Variants in ARHGEF7 observed in about 807,000 individuals in gnomAD.
The protein encoded by ARHGEF7 is Rho guanine nucleotide exchange factor 7.
ARHGEF7 carries 33 observed loss-of-function variants against 109.8 expected under a neutral mutation model. The ratio of observed to expected loss-of-function variants is 0.30; its 90% confidence interval spans 0.23 to 0.40. The LOEUF (loss-of-function observed/expected upper bound fraction) is 0.40, where lower values mean the gene tolerates loss of function less well. ARHGEF7 is among the 10% of genes least tolerant of loss of function. ARHGEF7 has a pLI of 1.00. For synonymous variants in ARHGEF7, 458 were observed against 424.6 expected (o/e 1.08, Z -0.97); for missense variants, 938 against 1,098.5 (o/e 0.85, Z 2.07).
At chr13:111,154,993 A>T (rs1006142355) in intron 2 of ARHGEF7, among the ~76,000 whole-genome samples, 1 of 152,108 alleles carries the variant, frequency 6.6e-6, no homozygotes, top group Admixed American at 6.6e-5. Context: ...ATACTGGAGG[A>T]GGGGGAAACC....
At position 111,279,418 on chromosome 13, in the gene ARHGEF7, G is replaced by A. The variant is rs558600907; in HGVS notation, c.1507-854G>A. Among the ~76,000 whole-genome samples the A allele has an allele frequency of 2.0e-5, 3 of 152,328 alleles. 1 individual carries two copies. Among genetic ancestry groups the A allele is most frequent in the African/African-American group, 7.2e-5 (3 of 41,578 alleles). On this transcript the variant is annotated intron_variant, in intron 13 of 21. Transcript: ENST00000646102. ...TGGAGGTCTGAGCCCCTGCCAGGTT[G>A]TGGCACTGCCACCCATTCTCTGTGG...
intron 1 of ARHGEF7, among the ~76,000 whole-genome samples, chr13:111,134,264 T>G (rs1266915765): frequency 2.0e-5 from 3 of 152,238 alleles, no homozygotes; most frequent in African/African-American, 7.2e-5. Flanking sequence ...CGTGTGCATG[T>G]GTCTTTATAG....
intron 2 of ARHGEF7, among the ~76,000 whole-genome samples, chr13:111,187,425 C>T (rs927067171): frequency 2.2e-4 from 34 of 152,146 alleles, no homozygotes; most frequent in South Asian, 4.1e-4. Flanking sequence ...GGAAAGAGAG[C>T]GGAGAAAGCC....
chr13:111,258,638 C>T lies in ARHGEF7; in HGVS notation c.951-8910C>T, dbSNP rs1221313429. Among the ~76,000 whole-genome samples, 1 of 152,138 alleles carries T rather than the reference C, an allele frequency of 6.6e-6. No individual in the cohort carries two copies. The highest frequency in any genetic ancestry group is 2.4e-5 in the African/African-American group (1 of 41,418). ...ATGAGACTCAAAGACGAGCTGGCTT[C>T]AAATGTGACCCAGAGCACATTCCCA... On this transcript the variant is annotated intron_variant, in intron 8 of 21. Transcript: ENST00000646102. The surrounding 1 kb of genome is among the most constrained non-coding windows in gnomAD (Gnocchi z 4.4).
chr13:111,117,452 C>G (rs1407075886), intron 1 of ARHGEF7, among the ~76,000 whole-genome samples: 1 of 152,198 alleles, frequency 6.6e-6, no homozygotes, highest in Non-Finnish European at 1.5e-5. Flanking sequence ...TTGATTCCCC[C>G]TGAGCTCCAG....
At chr13:111,191,982 G>A (rs1022085732) in intron 2 of ARHGEF7, among the ~76,000 whole-genome samples, 1 of 152,190 alleles carries the variant, frequency 6.6e-6, no homozygotes. Flanking sequence ...TCCATTAAAG[G>A]GTTAAGGAGA....
chr13:111,165,653 C>T (rs1184495343), intron 2 of ARHGEF7, among the ~76,000 whole-genome samples: 4 of 152,140 alleles, frequency 2.6e-5, no homozygotes, highest in East Asian at 1.9e-4. Flanking sequence ...TCTGTTGAAC[C>T]GACTCAGTAT....
At chr13:111,186,889 A>G (rs546069663) in intron 2 of ARHGEF7, 2 of 985,316 alleles carry the variant, frequency 2.0e-6, no homozygotes, top group Non-Finnish European at 2.4e-6. Context: ...AAAGACGACT[A>G]CTTCTTTCCC....
At chr13:111,138,953 C>T (rs1347289921) in intron 1 of ARHGEF7, among the ~76,000 whole-genome samples, 4 of 152,006 alleles carry the variant, frequency 2.6e-5, no homozygotes, top group South Asian at 2.1e-4. Context: ...TCATGAATGG[C>T]GCTGGAATCA....
At chr13:111,136,843 G>A (rs1035447248) in intron 1 of ARHGEF7, among the ~76,000 whole-genome samples, 1 of 152,104 alleles carries the variant, frequency 6.6e-6, no homozygotes, top group Non-Finnish European at 1.5e-5. Flanking sequence ...TTGATGGACC[G>A]CTAGCAAGAC....
At chr13:111,264,491 G>A (rs908500784) in intron 8 of ARHGEF7, among the ~76,000 whole-genome samples, 2 of 152,130 alleles carry the variant, frequency 1.3e-5, no homozygotes, top group Non-Finnish European at 1.5e-5. Context: ...CCACCGACAG[G>A]AAGACTTGTG....
chr13:111,276,604 C>G (rs748784629), intron 12 of ARHGEF7, among the ~76,000 whole-genome samples: 2 of 152,152 alleles, frequency 1.3e-5, no homozygotes, highest in African/African-American at 4.8e-5. Context: ...CAGAGTGGTT[C>G]TGATCACGAC....
Position 111,263,360 on chromosome 13 carries a change from C to T in ARHGEF7, c.951-4188C>T, listed in dbSNP as rs191912129. ...GGTGAATTAAATAGGAAAAACCACT[C>T]GTACCGTGAATTGTTCGTTTATAAG... is the stretch of plus-strand genomic sequence containing the variant. On this transcript the variant is annotated intron_variant, in intron 8 of 21. Transcript: ENST00000646102. 4.5e-3 allele frequency among the ~76,000 whole-genome samples: 684 copies of T among 152,280 alleles called. 3 individuals are homozygous for T. The highest frequency in any genetic ancestry group is 0.016 in the African/African-American group (660 of 41,538).
chr13:111,156,819 C>G (rs559775527), intron 2 of ARHGEF7, among the ~76,000 whole-genome samples: 1 of 152,344 alleles, frequency 6.6e-6, no homozygotes, highest in Admixed American at 6.5e-5. Context: ...ACTACAGACA[C>G]AAAACTTAAA....
chr13:111,201,412 A>G (rs1485865890), intron 2 of ARHGEF7, among the ~76,000 whole-genome samples: 1 of 152,120 alleles, frequency 6.6e-6, no homozygotes, highest in African/African-American at 2.4e-5. Flanking sequence ...CAGTAAACAT[A>G]CTCTATGAGA....
At chr13:111,279,835 T>A (rs139601095) in intron 13 of ARHGEF7, among the ~76,000 whole-genome samples, 2 of 152,364 alleles carry the variant, frequency 1.3e-5, no homozygotes, top group African/African-American at 4.8e-5. Flanking sequence ...TGCCTCAATT[T>A]CCCACCCTTA....
chr13:111,133,013 TATATACACATGCACAG>T (rs1364063572), intron 1 of ARHGEF7, among the ~76,000 whole-genome samples: 2 of 152,132 alleles, frequency 1.3e-5, no homozygotes, highest in South Asian at 2.1e-4. Context: ...TACATATTTA[TATATACACATGCACAG>T]ATATACACAT....
At chr13:111,121,688 G>A (rs150095707) in intron 1 of ARHGEF7, among the ~76,000 whole-genome samples, 170 of 152,320 alleles carry the variant, frequency 1.1e-3, no homozygotes, top group Admixed American at 3.1e-3. Flanking sequence ...TGGGAGGACT[G>A]GCATCCCCCG....
At chr13:111,191,614 C>T (rs1193489132) in intron 2 of ARHGEF7, among the ~76,000 whole-genome samples, 2 of 152,048 alleles carry the variant, frequency 1.3e-5, no homozygotes, top group Admixed American at 1.3e-4. Flanking sequence ...GATACAAAGC[C>T]AACAGTCATT....
Sources: gnomAD v4.1 joint callset for allele counts (sites outside exome capture counted in the v4.1 genomes callset) on GRCh38, gnomAD v4.1.1 for gene constraint, Gnocchi (gnomAD v3.1) non-coding constraint, MANE v1.5 for transcripts, NCBI Gene and HGNC (gene_info 2026-07-23, HGNC 2026-07-21) for gene names.